The following SERPINA6 variants were observed in gnomAD, a reference collection of about 807,000 sequenced individuals.
SERPINA6 encodes corticosteroid-binding globulin.
Under a neutral mutation model 26.4 loss-of-function variants are expected in SERPINA6, and 19 were observed. The ratio of observed to expected loss-of-function variants is 0.72; its 90% CI spans 0.50 to 1.06. SERPINA6 has a LOEUF of 1.06. Ranked by LOEUF, SERPINA6 falls within the 50% of genes least tolerant of loss-of-function variation. The pLI, the probability that SERPINA6 is intolerant of heterozygous loss-of-function variation, is 0.00. For synonymous variants in SERPINA6, 196 were observed against 199.4 expected (o/e 0.98, Z 0.14); for missense variants, 473 against 504.0 (o/e 0.94, Z 0.59).
At position 94,309,696 on chromosome 14, in the gene SERPINA6, C is replaced by T. The variant is rs762684720; in HGVS notation, c.884+40G>A. On this transcript the variant is annotated intron_variant, in intron 3 of 4. Coordinates refer to ENST00000341584, the MANE Select transcript of SERPINA6 (RefSeq NM_001756.4). Reference sequence around the variant, plus strand: ...CCACGTGCCCCACTTTCTGGGGACACGTGCATTGCAGAAATCAACATGATG... The same window carrying T: ...CCACGTGCCCCACTTTCTGGGGACATGTGCATTGCAGAAATCAACATGATG... 4.3e-5 allele frequency: 69 copies of T among 1,610,450 alleles called. 2 individuals are homozygous for T. The Middle Eastern group carries it at 5.4e-3, about 126-fold the overall frequency.
chr14:94,308,052 C>T (rs1444355375), intron 3 of SERPINA6, among the ~76,000 whole-genome samples: 1 of 152,264 alleles, frequency 6.6e-6, no homozygotes, highest in African/African-American at 2.4e-5. Context: ...GTCTTCATTA[C>T]TGCTGGCCCT....
intron 2 of SERPINA6, 127 bp downstream of exon 2, chr14:94,313,909 G>T: frequency 1.0e-6 from 1 of 1,000,748 alleles, no homozygotes; most frequent in Non-Finnish European, 1.6e-6. Flanking sequence ...TGGTGAAGAT[G>T]GAGATTCCCA....
chr14:94,306,558 C>G (rs556873198), intron 3 of SERPINA6, among the ~76,000 whole-genome samples: 21 of 152,340 alleles, frequency 1.4e-4, no homozygotes, highest in Admixed American at 2.6e-4. Context: ...CCCAGGAGAA[C>G]CCCTGCTAGA....
intron 1 of SERPINA6, among the ~76,000 whole-genome samples, chr14:94,316,204 A>G (rs779360432): frequency 1.1e-4 from 17 of 152,262 alleles, no homozygotes; most frequent in Admixed American, 3.3e-4. Flanking sequence ...TTCTAACTGC[A>G]TCTCATTGTG....
In SERPINA6 at chr14:94,318,680, T is replaced by C. The variant is rs530543328; in HGVS notation, c.-19-4013A>G. The stretch of plus-strand genomic sequence containing the variant: ...ATTAATTCAAAATAGATCAATGACC[T>C]AAAGATGAGTTAAAATTATAAAAAT... On this transcript the variant is annotated intron_variant, in intron 1 of 4. Transcript: ENST00000341584. Among the ~76,000 whole-genome samples, 3 of 152,136 alleles carry C rather than the reference T, an allele frequency of 2.0e-5. No individual in the cohort carries two copies. The South Asian group carries it at 6.2e-4, about 32-fold the overall frequency.
chr14:94,322,781 G>C (rs1304056112), intron 1 of SERPINA6, among the ~76,000 whole-genome samples: 1 of 152,194 alleles, frequency 6.6e-6, no homozygotes, highest in Non-Finnish European at 1.5e-5. Flanking sequence ...AGGTCACTGA[G>C]TGAGGAGCCA....
intron 1 of SERPINA6, chr14:94,314,871 A>G (rs1329775727): frequency 1.6e-6 from 1 of 618,764 alleles, no homozygotes; most frequent in Non-Finnish European, 2.9e-6. Flanking sequence ...TGATTTATCC[A>G]GTGCCTGACA....
chr14:94,304,466 G>A lies in SERPINA6; in HGVS notation c.1170C>T (p.His390=), dbSNP rs1595571553. The stretch of plus-strand genomic sequence containing the variant: ...CCAGGAAAAGGCTGCTCCAGGTGAA[G>A]TGGTCGAAGATCATGATGATGAAGG... ...NQPFIIMIFD[H]FTWSSLFLAR... is the part of the protein sequence containing the mutation. Residue 390 remains histidine, a synonymous_variant, in exon 5 of 5, where the codon CAC becomes CAT. Transcript: ENST00000341584. The A allele has an allele frequency of 2.7e-5, 44 of 1,614,210 alleles. No homozygotes were observed. Among genetic ancestry groups the A allele is most frequent in the Non-Finnish European group, 3.7e-5 (44 of 1,180,032 alleles).
Position 94,317,368 on chromosome 14 carries a change from A to C in SERPINA6, c.-19-2701T>G, listed in dbSNP as rs184464712. The stretch of plus-strand genomic sequence containing the variant: ...AACACACAGCAGATTGAGACAGTCA[A>C]GTGTAAAGAGGTGCCTGGAGAACAT... On this transcript the variant is annotated intron_variant, in intron 1 of 4. Transcript: ENST00000341584. 4.5e-4 allele frequency among the ~76,000 whole-genome samples: 68 copies of C among 152,308 alleles called. 1 individual carries two copies. In the East Asian group the frequency reaches 9.9e-3, roughly 22 times the overall value.
chr14:94,310,439 C>A (rs1338824119), intron 2 of SERPINA6, among the ~76,000 whole-genome samples: 3 of 152,150 alleles, frequency 2.0e-5, no homozygotes, highest in Non-Finnish European at 2.9e-5. Context: ...CTGGCCGGCC[C>A]AGCTGAGGCT....
chr14:94,314,887 C>G, intron 1 of SERPINA6: 1 of 605,688 alleles, frequency 1.7e-6, no homozygotes, highest in South Asian at 1.9e-5. Flanking sequence ...TGACAGGTAC[C>G]CAACACTGAT....
At chr14:94,315,227 T>C (rs1895597332) in intron 1 of SERPINA6, among the ~76,000 whole-genome samples, 1 of 152,170 alleles carries the variant, frequency 6.6e-6, no homozygotes, top group African/African-American at 2.4e-5. Flanking sequence ...CGTGGGCAAT[T>C]ATAAGTTATG....
At chr14:94,307,260 G>A (rs1335826220) in intron 3 of SERPINA6, among the ~76,000 whole-genome samples, 5 of 151,888 alleles carry the variant, frequency 3.3e-5, no homozygotes, top group East Asian at 1.9e-4. Flanking sequence ...ACACACATAC[G>A]CACCTATGAA....
Position 94,304,480 on chromosome 14 carries a change from T to C in SERPINA6, c.1156A>G (p.Met386Val), listed in dbSNP as rs757320230. 1.2e-6 allele frequency: 2 copies of C among 1,614,132 alleles called. No individual in the cohort carries two copies. The highest frequency in any genetic ancestry group is 1.7e-6 in the Non-Finnish European group (2 of 1,180,010). Residue 386 changes from methionine to valine, a missense_variant, in exon 5 of 5, where the codon ATG becomes GTG. By Grantham distance (21) the Met-to-Val change is conservative. Coordinates refer to ENST00000341584, the MANE Select transcript of SERPINA6 (RefSeq NM_001756.4). Reference sequence around the variant, plus strand: ...CTCCAGGTGAAGTGGTCGAAGATCATGATGATGAAGGGCTGGTTGAAACGC... The same window carrying C: ...CTCCAGGTGAAGTGGTCGAAGATCACGATGATGAAGGGCTGGTTGAAACGC... ...ILRFNQPFII[M>V]IFDHFTWSSL...
chr14:94,304,598 G>T lies in SERPINA6; in HGVS notation c.1038C>A (p.Val346=). ...QDAQLKSSKV[V]HKAVLQLNEE... is the part of the protein sequence containing the mutation. ...CATTGAGTTGCAGCACAGCTTTATG[G>T]ACCACCTGTTAGGTACAGAATGAAG... is the stretch of plus-strand genomic sequence containing the variant. The change falls in exon 5 of 5, where the codon GTC becomes GTA. Residue 346 remains valine, a synonymous_variant. Coordinates refer to ENST00000341584, the MANE Select transcript of SERPINA6 (RefSeq NM_001756.4). The T allele has an allele frequency of 6.2e-7, 1 of 1,613,880 alleles. No individual in the cohort carries two copies.
chr14:94,316,519 A>G (rs76871507), intron 1 of SERPINA6, among the ~76,000 whole-genome samples: 1,568 of 152,258 alleles, frequency 0.01, 27 homozygotes, highest in African/African-American at 0.036. Context: ...TGCTCAATTT[A>G]TTTTGTCCCA....
intron 1 of SERPINA6, among the ~76,000 whole-genome samples, chr14:94,322,327 G>A (rs1283800020): frequency 6.6e-6 from 1 of 152,166 alleles, no homozygotes; most frequent in East Asian, 1.9e-4. Flanking sequence ...TTGCTAACAT[G>A]GCGAAACCCA....
At chr14:94,305,850 CTCCTGTGTCGACAGCT>C (rs1049324910) in intron 4 of SERPINA6, among the ~76,000 whole-genome samples, 17 of 152,122 alleles carry the variant, frequency 1.1e-4, no homozygotes, top group Non-Finnish European at 1.9e-4. Flanking sequence ...GCCTGTGGCC[CTCCTGTGTCGACAGCT>C]TCCTGTGTGA....
chr14:94,318,362 CA>C (rs1895640128), intron 1 of SERPINA6, among the ~76,000 whole-genome samples: 1 of 151,920 alleles, frequency 6.6e-6, no homozygotes, highest in Non-Finnish European at 1.5e-5. Flanking sequence ...CCTGGATAGC[CA>C]AAACAATACT....
Sources: gnomAD v4.1 joint callset for allele counts (sites outside exome capture counted in the v4.1 genomes callset) on GRCh38, gnomAD v4.1.1 for gene constraint, MANE v1.5 for transcripts, NCBI Gene and HGNC (gene_info 2026-07-23, HGNC 2026-07-21) for gene names.